Variants in OPN5 observed in about 807,000 individuals in gnomAD.
OPN5 encodes the protein opsin-5.
OPN5 carries 18 observed loss-of-function variants against 41.7 expected under a neutral mutation model. The ratio of observed to expected loss-of-function variants is 0.43; its 90% confidence interval spans 0.30 to 0.64. The LOEUF is 0.64. Among genes scored for constraint, OPN5 ranks in the 30% least tolerant of loss-of-function variants. The pLI is 0.13. For missense variants in OPN5, 318 were observed against 434.5 expected (o/e 0.73, Z 2.38); for synonymous variants, 178 against 164.3 (o/e 1.08, Z -0.64).
At chr6:47,803,483 A>G (rs1455495911) in intron 4 of OPN5, among the ~76,000 whole-genome samples, 2 of 152,212 alleles carry the variant, frequency 1.3e-5, no homozygotes, top group African/African-American at 2.4e-5. Context: ...CAGAACGTGC[A>G]TTCTTCCTGT....
At chr6:47,783,467 T>C (rs1209443067) in intron 1 of OPN5, among the ~76,000 whole-genome samples, 4 of 152,156 alleles carry the variant, frequency 2.6e-5, no homozygotes, top group South Asian at 2.1e-4. Context: ...CTCCTGAAAG[T>C]AGCAAAACTC....
chr6:47,788,282 C>G (rs1414008415), intron 2 of OPN5, among the ~76,000 whole-genome samples: 1 of 152,320 alleles, frequency 6.6e-6, no homozygotes, highest in East Asian at 1.9e-4. Flanking sequence ...CTCGCGGGCC[C>G]CTAAGGTGCT....
chr6:47,805,667 C>T (rs996979840), intron 4 of OPN5, among the ~76,000 whole-genome samples: 1 of 152,084 alleles, frequency 6.6e-6, no homozygotes, highest in Admixed American at 6.5e-5. Flanking sequence ...CTGAAATGCA[C>T]GGGCACACAT....
At chr6:47,786,595 A>G (rs1773199249) in exon 2 of OPN5, 1 of 1,612,986 alleles carries the variant, frequency 6.2e-7, no homozygotes, top group Non-Finnish European at 8.5e-7. Context: ...CGCTGAAATA[A>G]TGACTATCAA....
At chr6:47,813,726 C>T (rs2113998095) in intron 6 of OPN5, among the ~76,000 whole-genome samples, 2 of 151,696 alleles carry the variant, frequency 1.3e-5, no homozygotes. Context: ...CTTATGAGGA[C>T]CTGAATTAAA....
intron 4 of OPN5, among the ~76,000 whole-genome samples, chr6:47,802,789 T>C (rs149314828): frequency 1.3e-5 from 2 of 152,350 alleles, no homozygotes; most frequent in Non-Finnish European, 2.9e-5. Flanking sequence ...GGAAATATTG[T>C]ATTCAGTTTT....
chr6:47,811,752 T>A, intron 6 of OPN5, 21 bp downstream of exon 6: 1 of 1,551,466 alleles, frequency 6.4e-7, no homozygotes, highest in South Asian at 1.1e-5. Context: ...GGATACAGCA[T>A]CACTATGGAC....
intron 6 of OPN5, among the ~76,000 whole-genome samples, chr6:47,812,091 A>G (rs900401990): frequency 3.3e-5 from 5 of 152,030 alleles, no homozygotes; most frequent in Admixed American, 6.6e-5. Context: ...ATTGTTTCTT[A>G]ATGTCGGGTT....
intron 3 of OPN5, among the ~76,000 whole-genome samples, chr6:47,793,926 C>CA (rs1012539128): frequency 5.3e-5 from 8 of 152,064 alleles, no homozygotes; most frequent in Non-Finnish European, 1.0e-4. Context: ...ACATGATTGC[C>CA]ACCCCTATCT....
intron 2 of OPN5, chr6:47,787,282 G>C (rs1773221397): frequency 2.0e-6 from 1 of 493,878 alleles, no homozygotes; most frequent in Non-Finnish European, 2.6e-6. Flanking sequence ...AGAATCTACA[G>C]GTATGTTAAT....
downstream of OPN5, chr6:47,825,486 A>C (rs776616589): frequency 1.3e-5 from 2 of 152,184 alleles, no homozygotes; most frequent in African/African-American, 2.4e-5. Flanking sequence ...GCAAGTCCTT[A>C]GGATTCCCTG....
intron 4 of OPN5, among the ~76,000 whole-genome samples, chr6:47,803,523 G>C (rs1391084412): frequency 6.6e-6 from 1 of 152,076 alleles, no homozygotes; most frequent in Non-Finnish European, 1.5e-5. Context: ...ATCTCTCCTG[G>C]GAACATTTTC....
At chr6:47,802,293 T>G (rs997148675) in intron 4 of OPN5, among the ~76,000 whole-genome samples, 6 of 152,080 alleles carry the variant, frequency 3.9e-5, no homozygotes, top group Admixed American at 2.6e-4. Context: ...CAGTCACAGT[T>G]TTGGGTAGCA....
intron 1 of OPN5, among the ~76,000 whole-genome samples, chr6:47,786,219 G>A (rs1773186255): frequency 6.6e-6 from 1 of 152,168 alleles, no homozygotes; most frequent in African/African-American, 2.4e-5. Flanking sequence ...CCACTCTGGG[G>A]GCCAGGACAA....
intron 5 of OPN5, among the ~76,000 whole-genome samples, chr6:47,808,690 G>C: frequency 6.6e-6 from 1 of 152,230 alleles, no homozygotes; most frequent in East Asian, 1.9e-4. Context: ...CTCGTACATT[G>C]CATATCTGGG....
At chr6:47,794,950 C>G in intron 3 of OPN5, 1 of 362,764 alleles carries the variant, frequency 2.8e-6, no homozygotes, top group East Asian at 4.3e-5. Flanking sequence ...TCAGCATCCT[C>G]TCATCTCTTT....
chr6:47,783,718 A>G (rs893639088), intron 1 of OPN5, among the ~76,000 whole-genome samples: 4 of 152,224 alleles, frequency 2.6e-5, no homozygotes, highest in Non-Finnish European at 2.9e-5. Flanking sequence ...AGAGAATAAA[A>G]TGGGCAAACA....
intron 6 of OPN5, among the ~76,000 whole-genome samples, chr6:47,819,714 T>TA (rs1762544078): frequency 6.6e-6 from 1 of 152,110 alleles, no homozygotes; most frequent in South Asian, 2.1e-4. Flanking sequence ...CCTGCTGGTT[T>TA]TATTTCTAAT....
At chr6:47,782,974 T>C (rs1773121040) in intron 1 of OPN5, among the ~76,000 whole-genome samples, 1 of 152,100 alleles carries the variant, frequency 6.6e-6, no homozygotes, top group South Asian at 2.1e-4. Flanking sequence ...TAAATACATG[T>C]TGAACATACA....
Sources: allele counts gnomAD v4.1 joint callset (sites outside exome capture counted in the v4.1 genomes callset), GRCh38; gene constraint gnomAD v4.1.1; transcripts MANE v1.5; gene names NCBI Gene and HGNC (gene_info 2026-07-23, HGNC 2026-07-21).